Variants in VRK2 observed in about 807,000 individuals in gnomAD.
The protein encoded by VRK2 is serine/threonine-protein kinase VRK2.
In VRK2, 60 loss-of-function variants were observed where a neutral mutation model predicts 57.6. The ratio of observed to expected loss-of-function variants is 1.04; its 90% CI spans 0.85 to 1.29. VRK2 has a LOEUF of 1.29. Among genes scored for constraint, VRK2 ranks in the 50% most tolerant of loss-of-function variants. The probability of loss-of-function intolerance (pLI) is 0.00; values close to 1 mark genes in which losing one functional copy is unlikely to be tolerated. For synonymous variants in VRK2, 231 were observed against 199.2 expected, an observed-to-expected ratio of 1.16 and a Z score of -1.35; for missense variants, 705 against 588.1, an observed-to-expected ratio of 1.20 and a Z score of -2.06.
At chr2:57,976,765 T>C (rs1308992838) in intron 1 of VRK2, among the ~76,000 whole-genome samples, 1 of 152,138 alleles carries the variant, frequency 6.6e-6, no homozygotes, top group Non-Finnish European at 1.5e-5. Context: ...TGCAATTGCT[T>C]TTGGAGAATT....
chr2:57,919,810 GAA>G (rs1300173282), intron 1 of VRK2, among the ~76,000 whole-genome samples: 4 of 152,000 alleles, frequency 2.6e-5, no homozygotes, highest in East Asian at 3.9e-4. Context: ...TTAATCAACC[GAA>G]GTCAGTAATT....
chr2:58,122,965 T>C, intron 7 of VRK2, 136 bp from the exon 8 acceptor site: 1 of 1,108,652 alleles, frequency 9.0e-7, no homozygotes, highest in Non-Finnish European at 1.2e-6. Flanking sequence ...ACATATTTTA[T>C]CCTAAGGCAC....
At chr2:57,958,736 T>G (rs73942256) in intron 1 of VRK2, among the ~76,000 whole-genome samples, 4,176 of 152,236 alleles carry the variant, frequency 0.027, 194 homozygotes, top group African/African-American at 0.096. Flanking sequence ...TTTTAATGTA[T>G]TCAACGAACA....
Position 58,146,442 on chromosome 2 carries a change from CTGAT to C in VRK2, c.1153_1156del (p.Ile385AspfsTer2), listed in dbSNP as rs1309014652. The C allele has an allele frequency of 3.7e-6, 6 of 1,611,180 alleles. No homozygotes were observed. The highest frequency in any genetic ancestry group is 4.2e-6 in the Non-Finnish European group (5 of 1,178,086). On this transcript the variant is annotated frameshift_variant, in exon 12 of 13. Transcript: ENST00000340157. LOFTEE classifies it low-confidence loss of function (END_TRUNC). ...ATGGAAAGTGCAGAAAGAGGAGAAACTGATTGGATTGATGAACAATGAAGCAGCT... is the reference window on the plus strand; with the variant it reads ...ATGGAAAGTGCAGAAAGAGGAGAAACTGGATTGATGAACAATGAAGCAGCT...
chr2:58,081,706 T>G (rs1356940726), intron 2 of VRK2, among the ~76,000 whole-genome samples: 3 of 151,916 alleles, frequency 2.0e-5, no homozygotes, highest in Non-Finnish European at 2.9e-5. Flanking sequence ...ACATTGTGTA[T>G]TGTTTTTGTC....
intron 8 of VRK2, among the ~76,000 whole-genome samples, chr2:58,128,302 G>T (rs1034172621): frequency 6.6e-6 from 1 of 152,064 alleles, no homozygotes; most frequent in Non-Finnish European, 1.5e-5. Context: ...TTGTTTGAAT[G>T]GTATTAAAAC....
intron 1 of VRK2, among the ~76,000 whole-genome samples, chr2:57,960,606 G>A (rs955381396): frequency 6.6e-5 from 10 of 152,172 alleles, no homozygotes; most frequent in Non-Finnish European, 1.3e-4. Context: ...ATGGTCATGA[G>A]TGAGGGTTCA....
intron 1 of VRK2, among the ~76,000 whole-genome samples, chr2:58,024,408 G>T (rs1195789224): frequency 2.0e-5 from 3 of 151,874 alleles, no homozygotes; most frequent in Non-Finnish European, 4.4e-5. Flanking sequence ...TTTTTGGGGG[G>T]GTGCTATTAC....
In VRK2 at chr2:58,040,863, C is replaced by A. The variant is rs765705513; in HGVS notation, c.-6+7310C>A. On this transcript the variant is annotated intron_variant, in intron 3 of 15. Coordinates refer to the VRK2 transcript ENST00000417641. ...TGGGGAATAGAAGGTTCGTTCAAGA[C>A]CCTTAGAGGATGTTGTTGCAATTGC... Among the ~76,000 whole-genome samples the A allele has an allele frequency of 3.9e-5, 6 of 152,302 alleles. No individual in the cohort carries two copies. The South Asian group carries it at 1.0e-3, about 26-fold the overall frequency.
chr2:58,084,255 A>G (rs998886095), intron 3 of VRK2, 117 bp downstream of exon 3: 3 of 1,070,860 alleles, frequency 2.8e-6, no homozygotes, highest in Admixed American at 5.5e-5. Flanking sequence ...ACCTAATGTT[A>G]TCATCTGTTT....
At chr2:58,137,695 C>T (rs1680741131) in intron 10 of VRK2, among the ~76,000 whole-genome samples, 1 of 152,020 alleles carries the variant, frequency 6.6e-6, no homozygotes, top group Admixed American at 6.6e-5. Context: ...ACATGTCCAA[C>T]TAAGCATAAT....
At chr2:57,907,714 G>A (rs1037445838) in exon 1 of VRK2, 3 of 152,136 alleles carry the variant, frequency 2.0e-5, no homozygotes, top group African/African-American at 4.8e-5. Flanking sequence ...TTGTCCTCAT[G>A]GGGAAAGTAT....
At chr2:58,159,906 A>G, downstream of VRK2, 1 of 1,551,742 alleles carries the variant, frequency 6.4e-7, no homozygotes, top group East Asian at 2.3e-5. Flanking sequence ...TACAGTTTGG[A>G]AAACACTTCT....
chr2:58,046,594 AT>A, upstream of VRK2: 1 of 985,532 alleles, frequency 1.0e-6, no homozygotes, highest in African/African-American at 1.7e-5. Context: ...CACAGCTCCC[AT>A]TCCCCATGTA....
chr2:57,916,585 A>G (rs1471347595), intron 1 of VRK2, among the ~76,000 whole-genome samples: 1 of 152,044 alleles, frequency 6.6e-6, no homozygotes, highest in Non-Finnish European at 1.5e-5. Flanking sequence ...TTTTTCATGT[A>G]TGATATTGGT....
At chr2:58,112,485 G>A (rs984833436) in intron 7 of VRK2, among the ~76,000 whole-genome samples, 1 of 151,726 alleles carries the variant, frequency 6.6e-6, no homozygotes, top group East Asian at 1.9e-4. Flanking sequence ...CTCTCAGTGT[G>A]ACCTAATTGT....
intron 1 of VRK2, among the ~76,000 whole-genome samples, chr2:57,944,948 G>C (rs1427749740): frequency 3.3e-5 from 5 of 152,112 alleles, no homozygotes; most frequent in Non-Finnish European, 2.9e-5. Context: ...TTTAATTCTA[G>C]AAAGAATCTT....
At chr2:58,106,570 G>C (rs377667285) in intron 7 of VRK2, among the ~76,000 whole-genome samples, 1 of 151,896 alleles carries the variant, frequency 6.6e-6, no homozygotes, top group Admixed American at 6.6e-5. Context: ...TTTTCTGGTG[G>C]TTATCCAATA....
intron 1 of VRK2, among the ~76,000 whole-genome samples, chr2:58,011,993 C>T (rs1309240629): frequency 2.0e-5 from 3 of 152,124 alleles, no homozygotes; most frequent in Admixed American, 2.0e-4. Context: ...GACACACTGC[C>T]CCAAAATATG....
Sources: gnomAD v4.1 joint callset for allele counts (sites outside exome capture counted in the v4.1 genomes callset) on GRCh38, gnomAD v4.1.1 for gene constraint, MANE v1.5 for transcripts, NCBI Gene and HGNC (gene_info 2026-07-23, HGNC 2026-07-21) for gene names.